Variants in SRRT observed in about 807,000 individuals in gnomAD.
SRRT encodes the protein serrate, RNA effector molecule, also known as serrate RNA effector molecule homolog.
In SRRT, 32 loss-of-function variants were observed where a neutral mutation model predicts 103.2. The observed-to-expected ratio is 0.31, with a 90% confidence interval of 0.23 to 0.42. The LOEUF is 0.42. SRRT is among the 10% of genes least tolerant of loss of function. The probability of loss-of-function intolerance (pLI) is 1.00; values close to 1 mark genes in which losing one functional copy is unlikely to be tolerated. For missense variants in SRRT, 986 were observed against 1,207.5 expected, an observed-to-expected ratio of 0.82 and a Z score of 2.72; for synonymous variants, 525 against 449.0, an observed-to-expected ratio of 1.17 and a Z score of -2.14.
rs1563022282 is a variant in SRRT at position 100,885,794 on chromosome 7, G to GC, written c.1379+33dup. 2 of 1,613,752 alleles carry GC rather than the reference G, an allele frequency of 1.2e-6. No individual in the cohort carries two copies. Among genetic ancestry groups the GC allele is most frequent in the African/African-American group, 2.7e-5 (2 of 74,910 alleles). ...AACTCGGTGCGTTGGAGGGAAAAGT[G>GC]CAGGGGAACGTTAATGGCCAACACC... On this transcript the variant is annotated intron_variant, in intron 11 of 19. Transcript: ENST00000611405. The surrounding 1 kb of genome is among the most constrained non-coding windows in gnomAD (Gnocchi z 4.8).
rs372151414 is a variant in SRRT at position 100,882,251 on chromosome 7, C to G, written c.587+10C>G. On this transcript the variant is annotated intron_variant, in intron 5 of 19. Transcript: ENST00000611405. This position sits in a 1 kb window ranked among gnomAD's most constrained non-coding sequence, Gnocchi z 4.2. ...ACAAAGATGAGGAGTGGTGAGTGCC[C>G]CTACTTCCCTGGACCTCTGCCCTGG... is the stretch of plus-strand genomic sequence containing the variant. 1 of 1,612,416 alleles carries G rather than the reference C, an allele frequency of 6.2e-7. No individual in the cohort carries two copies. Among genetic ancestry groups the G allele is most frequent in the African/African-American group, 1.3e-5 (1 of 74,914 alleles).
intron 12 of SRRT, 86 bp downstream of exon 12, chr7:100,886,027 G>A (rs545466120): frequency 2.7e-6 from 4 of 1,501,220 alleles, no homozygotes; most frequent in Non-Finnish European, 3.7e-6. Context: ...TCATCTGATA[G>A]TTTGGTTGTT....
rs1328403180 is a variant in SRRT at position 100,884,569 on chromosome 7, T to TC, written c.942+19dup. On this transcript the variant is annotated intron_variant, in intron 7 of 19. Transcript: ENST00000611405. ...GGCAAGCAGGTCCGAGCCCTGGGTC[T>TC]CCTAGTGTTGTCCCTGGCAGCCTGG... 8.8e-7 allele frequency: 1 copy of TC among 1,142,514 alleles called. No individual in the cohort carries two copies. Among genetic ancestry groups the TC allele is most frequent in the African/African-American group, 1.7e-5 (1 of 58,708 alleles). The allele number at this position is 1,142,514 out of a possible 1,614,324, so 70.8% of individuals were successfully genotyped here. A position where few individuals can be genotyped will look rare whatever the true frequency, so the allele number is the denominator to read the frequency against.
In SRRT at chr7:100,877,847, G is replaced by A. The variant is rs142329723; in HGVS notation, c.122+2135G>A. 2.0e-5 allele frequency among the ~76,000 whole-genome samples: 3 copies of A among 152,226 alleles called. No individual in the cohort carries two copies. In the East Asian group the frequency reaches 5.8e-4, roughly 29 times the overall value. ...GAGTACGCATGTGATTGAGTGAGCT[G>A]AACTAACAGCTTTTTTCCATGGGAT... On this transcript the variant is annotated intron_variant, in intron 2 of 19. Coordinates refer to ENST00000611405, the MANE Select transcript of SRRT (RefSeq NM_015908.6).
chr7:100,884,867 T>C (rs1397409955), intron 8 of SRRT, 29 bp downstream of exon 8: 5 of 1,609,708 alleles, frequency 3.1e-6, no homozygotes, highest in Non-Finnish European at 4.2e-6. Context: ...GGGGTCAGAG[T>C]GTTGGGGCTG....
Position 100,884,965 on chromosome 7 carries a change from T to G in SRRT, c.1084T>G (p.Phe362Val). 1 of 1,613,948 alleles carries G rather than the reference T, an allele frequency of 6.2e-7. No individual in the cohort carries two copies. Among genetic ancestry groups the G allele is most frequent in the Non-Finnish European group, 8.5e-7 (1 of 1,179,990 alleles). Residue 362 changes from phenylalanine to valine, a missense_variant, in exon 9 of 20, where the codon TTT becomes GTT. Phe to Val is a conservative substitution (Grantham distance 50). Around this residue, in one of 6 missense-constraint regions of SRRT, gnomAD observed 166 missense variants for 148.6 expected, o/e 1.12. Transcript: ENST00000611405. ...RNRKHSGDDS[F>V]DEGSVSESES... ...CCGGAAGCACAGTGGTGACGACAGC[T>G]TTGACGAGGGCAGCGTGTCAGAGTC... is the stretch of plus-strand genomic sequence containing the variant.
rs1377300504 is a variant in SRRT at position 100,884,088 on chromosome 7, C to T, written c.606C>T (p.His202=). Residue 202 remains histidine (H), a synonymous_variant, in exon 6 of 20, where the codon CAC becomes CAT. Transcript: ENST00000611405. ...KDEEWFRSKY[H]PDEVGKRRQE... Reference sequence around the variant, plus strand: ...TTCCCAGGTTTCGGTCTAAGTACCACCCAGATGAGGTGGGGAAGCGTCGGC... The same window carrying T: ...TTCCCAGGTTTCGGTCTAAGTACCATCCAGATGAGGTGGGGAAGCGTCGGC... The T allele has an allele frequency of 1.9e-6, 3 of 1,601,722 alleles. No individual in the cohort carries two copies. The highest frequency in any genetic ancestry group is 2.5e-6 in the Non-Finnish European group (3 of 1,176,816).
chr7:100,882,445 CTG>C lies in SRRT; in HGVS notation c.587+205_587+206del. 1 of 555,678 alleles carries C rather than the reference CTG, an allele frequency of 1.8e-6. No homozygotes were observed. Among genetic ancestry groups the C allele is most frequent in the Non-Finnish European group, 3.1e-6 (1 of 318,188 alleles). The allele number at this position is 555,678 out of a possible 1,614,324, so 34.4% of individuals were successfully genotyped here. The stretch of plus-strand genomic sequence containing the variant: ...CCCCCGCCCCGCCCTGTCTCCTGTC[CTG>C]CTGTCCTCAGAGAGTGGGACACCTC... On this transcript the variant is annotated intron_variant, in intron 5 of 19. Coordinates refer to ENST00000611405, the MANE Select transcript of SRRT (RefSeq NM_015908.6). This position sits in a 1 kb window ranked among gnomAD's most constrained non-coding sequence, Gnocchi z 4.2.
rs779887660 is a variant in SRRT, at chr7:100,885,384, C to T, written c.1317+14C>T. 20 of 1,610,154 alleles carry T rather than the reference C, an allele frequency of 1.2e-5. No individual in the cohort carries two copies. The highest frequency in any genetic ancestry group is 2.7e-5 in the African/African-American group (2 of 74,862). On this transcript the variant is annotated intron_variant, in intron 10 of 19. Coordinates refer to ENST00000611405, the MANE Select transcript of SRRT (RefSeq NM_015908.6). This position sits in a 1 kb window ranked among gnomAD's most constrained non-coding sequence, Gnocchi z 4.8. ...GAGATCATCTCCGTGAGTGGGGACC[C>T]GTGGAGTCAGGGCAGGGCTGATGGA...
At position 100,887,450 on chromosome 7, in the gene SRRT, C is replaced by T. The variant is rs1790245132; in HGVS notation, c.2106C>T (p.Thr702=). 4 of 1,614,052 alleles carry T rather than the reference C, an allele frequency of 2.5e-6. No individual in the cohort carries two copies. Among genetic ancestry groups the T allele is most frequent in the Admixed American group, 1.7e-5 (1 of 59,996 alleles). The change falls in exon 16 of 20, where the codon ACC becomes ACT. Residue 702 remains threonine, a synonymous_variant. Coordinates refer to ENST00000611405, the MANE Select transcript of SRRT (RefSeq NM_015908.6). This position sits in a 1 kb window ranked among gnomAD's most constrained non-coding sequence, Gnocchi z 4.1. Reference sequence around the variant, plus strand: ...AGCAGGAAGTGGAGAAGTTCGTCACCTCCAACACGCAGGAACTGGGCAAGG... The same window carrying T: ...AGCAGGAAGTGGAGAAGTTCGTCACTTCCAACACGCAGGAACTGGGCAAGG... ...DPEQEVEKFV[T]SNTQELGKDK... is the part of the protein sequence containing the mutation.
intron 1 of SRRT, 59 bp downstream of exon 1, chr7:100,875,387 C>G: frequency 2.2e-6 from 3 of 1,349,376 alleles, no homozygotes; most frequent in Non-Finnish European, 2.9e-6. Flanking sequence ...CCGGGGTCCA[C>G]GGGGGCGGGC....
chr7:100,884,038 T>A, intron 5 of SRRT, 32 bp from the exon 6 acceptor site: 3 of 440,732 alleles, frequency 6.8e-6, no homozygotes, highest in Non-Finnish European at 9.4e-6. Flanking sequence ...CCAATAACTG[T>A]TTTGTCTTTC....
Position 100,882,657 on chromosome 7 carries a change from T to C in SRRT, c.587+416T>C, listed in dbSNP as rs1296615759. 6.4e-6 allele frequency: 1 copy of C among 156,838 alleles called. No homozygotes were observed. The highest frequency in any genetic ancestry group is 1.4e-5 in the Non-Finnish European group (1 of 71,090). The allele number at this position is 156,838 out of a possible 1,614,324, so 9.7% of individuals were successfully genotyped here. On this transcript the variant is annotated intron_variant, in intron 5 of 19. Transcript: ENST00000611405. This position sits in a 1 kb window ranked among gnomAD's most constrained non-coding sequence, Gnocchi z 4.2. ...TCGGTCGTTTGACAGAAAAAGAATT[T>C]TAATTTTTTTTTCCTTTTGTGGATG...
chr7:100,883,055 G>A (rs1227058849), intron 5 of SRRT: 1 of 152,276 alleles, frequency 6.6e-6, no homozygotes, highest in Non-Finnish European at 1.5e-5. Flanking sequence ...GGCGCCGCTA[G>A]TTAAATCTTG....
In SRRT at chr7:100,881,647, C is replaced by T. The variant is rs182093590; in HGVS notation, c.252-12C>T. Reference sequence around the variant, plus strand: ...CCCTTCTCTGCTTTACTTTTGTGTCCCCCACCTTCAGGGATGAGCACAGCT... The same window carrying T: ...CCCTTCTCTGCTTTACTTTTGTGTCTCCCACCTTCAGGGATGAGCACAGCT... On this transcript the variant is annotated splice_polypyrimidine_tract_variant and intron_variant, in intron 3 of 19. Transcript: ENST00000611405. 283 of 1,613,878 alleles carry T rather than the reference C, an allele frequency of 1.8e-4. 1 individual carries two copies. In the East Asian group the frequency reaches 5.3e-3, roughly 30 times the overall value.
chr7:100,888,132 T>G lies in SRRT; in HGVS notation c.2417T>G (p.Leu806Trp). The G allele has an allele frequency of 6.2e-7, 1 of 1,610,678 alleles. No homozygotes were observed. The highest frequency in any genetic ancestry group is 8.5e-7 in the Non-Finnish European group (1 of 1,178,316). The change falls in exon 18 of 20, where the codon TTG (leucine) becomes TGG (tryptophan). Residue 806 changes from leucine to tryptophan, a missense_variant. Coordinates refer to ENST00000611405, the MANE Select transcript of SRRT (RefSeq NM_015908.6). Reference protein sequence around the residue: ...MPYGQPRPPILGYGAGAVRPA... With the variant: ...MPYGQPRPPIWGYGAGAVRPA... ...TATGGTCAGCCCCGGCCCCCGATCT[T>G]GGGCTATGGAGGTAAGTACAGGAGG... is the stretch of plus-strand genomic sequence containing the variant.
intron 2 of SRRT, among the ~76,000 whole-genome samples, chr7:100,876,159 A>G (rs746521583): frequency 5.9e-5 from 9 of 151,786 alleles, no homozygotes; most frequent in Admixed American, 3.3e-4. Context: ...AAAAATTATT[A>G]TTGTTATTTC....
Position 100,885,570 on chromosome 7 carries a change from T to A in SRRT, c.1318-131T>A. On this transcript the variant is annotated intron_variant, in intron 10 of 19. Transcript: ENST00000611405. This position sits in a 1 kb window ranked among gnomAD's most constrained non-coding sequence, Gnocchi z 4.8. ...CTGGTGTTCTGAAGCCCTTTAGTGG[T>A]TTTTCCCTGCCCAAGGATGGGAAGA... 3.4e-6 allele frequency: 4 copies of A among 1,177,758 alleles called. No homozygotes were observed. Among genetic ancestry groups the A allele is most frequent in the Non-Finnish European group, 4.9e-6 (4 of 821,076 alleles). 73.0% of individuals were successfully genotyped at this position (1,177,758 alleles called of 1,614,324 possible). A position where few individuals can be genotyped will look rare whatever the true frequency, so the allele number is the denominator to read the frequency against.
intron 13 of SRRT, 177 bp from the exon 14 acceptor site, chr7:100,886,618 T>C: frequency 1.0e-6 from 1 of 964,522 alleles, no homozygotes; most frequent in Non-Finnish European, 1.5e-6. Context: ...ATGCTAGTGA[T>C]CATTTGTGGC....
Sources: allele counts gnomAD v4.1 joint callset (sites outside exome capture counted in the v4.1 genomes callset), GRCh38; gene constraint gnomAD v4.1.1; regional missense constraint gnomAD v4.1.1; non-coding constraint Gnocchi (gnomAD v3.1); transcripts MANE v1.5; gene names NCBI Gene and HGNC (gene_info 2026-07-23, HGNC 2026-07-21).